The following GRIN2D variants were observed in gnomAD, a reference collection of about 807,000 sequenced individuals.
GRIN2D encodes glutamate ionotropic receptor NMDA type subunit 2D.
GRIN2D carries 37 observed loss-of-function variants against 103.2 expected under a neutral mutation model. The observed-to-expected ratio is 0.36, with a 90% CI of 0.28 to 0.47. The LOEUF (loss-of-function observed/expected upper bound fraction) is 0.47, where lower values mean the gene tolerates loss of function less well. GRIN2D is among the 20% of genes least tolerant of loss of function. GRIN2D has a pLI of 1.00. For synonymous variants in GRIN2D, 845 were observed against 885.6 expected, an observed-to-expected ratio of 0.95 and a Z score of 0.81; for missense variants, 1,557 against 1,910.6, an observed-to-expected ratio of 0.81 and a Z score of 3.45.
Position 48,404,944 on chromosome 19 carries a change from G to T in GRIN2D, c.676G>T (p.Gly226Trp). 1 of 1,612,960 alleles carries T rather than the reference G, an allele frequency of 6.2e-7. No homozygotes were observed. ...CCGCGGAGCGCTGACGCTGGACCCT[G>T]GGGCGGGCGAGGCCGTGCTCAGTGC... ...EHRGALTLDPGAGEAVLSAQL... is the reference protein window; with the variant it reads ...EHRGALTLDPWAGEAVLSAQL... The change falls in exon 4 of 14, where the codon GGG becomes TGG. Residue 226 changes from glycine to tryptophan, a missense_variant. Physicochemically the swap from Gly to Trp is radical, Grantham distance 184. This residue lies in a region of GRIN2D where 490 missense variants were observed against 601.1 expected (regional missense o/e 0.82). Coordinates refer to ENST00000263269, the MANE Select transcript of GRIN2D (RefSeq NM_000836.4).
chr19:48,402,291 A>C (rs1284856195), intron 3 of GRIN2D, among the ~76,000 whole-genome samples: 1 of 152,064 alleles, frequency 6.6e-6, no homozygotes, highest in Non-Finnish European at 1.5e-5. Context: ...TTGAACGTAG[A>C]GCTAAGAAGA....
In GRIN2D at chr19:48,405,060, C is replaced by T. The variant is rs748364628; in HGVS notation, c.792C>T (p.Gly264=). ...EPVFRAAEEA[G]LTGSGYVWFM... Reference sequence around the variant, plus strand: ...TGTTCCGCGCAGCTGAGGAGGCTGGCCTCACTGGATCTGGCTACGTCTGGT... The same window carrying T: ...TGTTCCGCGCAGCTGAGGAGGCTGGTCTCACTGGATCTGGCTACGTCTGGT... Residue 264 remains glycine, a synonymous_variant, in exon 4 of 14, where the codon GGC becomes GGT. Transcript: ENST00000263269. The surrounding 1 kb of genome is among the most constrained non-coding windows in gnomAD (Gnocchi z 5.1). 5.6e-6 allele frequency: 9 copies of T among 1,607,242 alleles called. 1 individual carries two copies. Among genetic ancestry groups the T allele is most frequent in the Middle Eastern group, 1.7e-4 (1 of 6,018 alleles).
At chr19:48,423,847 C>T (rs1971053264) in intron 11 of GRIN2D, among the ~76,000 whole-genome samples, 2 of 152,112 alleles carry the variant, frequency 1.3e-5, no homozygotes, top group African/African-American at 4.8e-5. Flanking sequence ...GACAGGATCT[C>T]ACTCTGTTGC....
In GRIN2D at chr19:48,442,371, G is replaced by A. The variant is rs778400496; in HGVS notation, c.2662G>A (p.Ala888Thr). 3.1e-6 allele frequency: 5 copies of A among 1,610,798 alleles called. No homozygotes were observed. The Admixed American group carries it at 5.0e-5, about 16-fold the overall frequency. The change falls in exon 13 of 14, where the codon GCC (alanine) becomes ACC (threonine). Residue 888 changes from alanine (A) to threonine (T), a missense_variant. Physicochemically the swap from Ala to Thr is moderately conservative, Grantham distance 58 (BLOSUM62 0). Coordinates refer to ENST00000263269, the MANE Select transcript of GRIN2D (RefSeq NM_000836.4). This position sits in a 1 kb window ranked among gnomAD's most constrained non-coding sequence, Gnocchi z 7.2. ...CACCCACCGCATGGACTTCCTGCTG[G>A]CCTTCTCCAGGGTATGGGGCAGAGA... ...GPTHRMDFLL[A>T]FSRGMYSCCS...
chr19:48,419,511 CTTTCT>C (rs1343798947), intron 9 of GRIN2D, 69 bp from the exon 10 acceptor site: 16 of 1,330,200 alleles, frequency 1.2e-5, no homozygotes, highest in South Asian at 7.6e-5. Flanking sequence ...AATTGTAGTT[CTTTCT>C]TTTTTTTTTT....
intron 2 of GRIN2D, among the ~76,000 whole-genome samples, chr19:48,396,351 G>A (rs1403737470): frequency 2.0e-5 from 3 of 152,034 alleles, no homozygotes; most frequent in Non-Finnish European, 2.9e-5. Context: ...TGCAGCCCCC[G>A]TGAGAAGGGT....
chr19:48,426,508 A>G (rs1303263113), intron 11 of GRIN2D, among the ~76,000 whole-genome samples: 1 of 151,434 alleles, frequency 6.6e-6, no homozygotes, highest in Non-Finnish European at 1.5e-5. Flanking sequence ...TTACAGGCAT[A>G]AGCCATCATG....
chr19:48,419,511 C>CT, intron 9 of GRIN2D, 74 bp from the exon 10 acceptor site: 1 of 1,330,198 alleles, frequency 7.5e-7, no homozygotes, highest in South Asian at 1.3e-5. Context: ...AATTGTAGTT[C>CT]TTTCTTTTTT....
At position 48,402,765 on chromosome 19, in the gene GRIN2D, C is replaced by CGAGAGAGAGAGAGAGAGAGA. The variant is rs35263933; in HGVS notation, c.466-1948_466-1929dup. 5.0e-4 allele frequency among the ~76,000 whole-genome samples: 55 copies of CGAGAGAGAGAGAGAGAGAGA among 108,994 alleles called. 1 individual carries two copies. Among genetic ancestry groups the CGAGAGAGAGAGAGAGAGAGA allele is most frequent in the African/African-American group, 2.0e-3 (54 of 27,332 alleles). 71.5% of individuals were successfully genotyped at this position (108,994 alleles called of 152,430 possible). A position where few individuals can be genotyped will look rare whatever the true frequency, so the allele number is the denominator to read the frequency against. ...AAAAAAAAGATTCTTTACTCCTTTA[C>CGAGAGAGAGAGAGAGAGAGA]GAGAGAGAGAGAGAGAGAGAGAGAG... On this transcript the variant is annotated intron_variant, in intron 3 of 13. Transcript: ENST00000263269.
At chr19:48,430,863 AGGCT>A (rs1203646062) in intron 11 of GRIN2D, among the ~76,000 whole-genome samples, 4 of 141,656 alleles carry the variant, frequency 2.8e-5, no homozygotes, top group Admixed American at 2.3e-4. Context: ...TCTGTCACTC[AGGCT>A]GGAGCACAGT....
At chr19:48,395,537 C>G (rs980391809) in intron 2 of GRIN2D, among the ~76,000 whole-genome samples, 2 of 151,798 alleles carry the variant, frequency 1.3e-5, no homozygotes, top group Admixed American at 6.6e-5. Flanking sequence ...AACGGGATGC[C>G]GTCTGCAGCA....
rs1253992476 is a variant in GRIN2D, at chr19:48,394,114, T to C, written c.-306+246T>C. Among the ~76,000 whole-genome samples, 2 of 151,996 alleles carry C rather than the reference T, an allele frequency of 1.3e-5. No individual in the cohort carries two copies. Among genetic ancestry groups the C allele is most frequent in the African/African-American group, 4.8e-5 (2 of 41,390 alleles). The stretch of plus-strand genomic sequence containing the variant: ...GCGTCTGGGCGTCCCCGGCTGCCTG[T>C]GTCCTCCTGTCTGTCCAAACAGCCC... On this transcript the variant is annotated intron_variant, in intron 1 of 13. Transcript: ENST00000263269. The surrounding 1 kb of genome is among the most constrained non-coding windows in gnomAD (Gnocchi z 5.1).
At chr19:48,406,805 T>C (rs549131145) in intron 4 of GRIN2D, among the ~76,000 whole-genome samples, 2 of 151,870 alleles carry the variant, frequency 1.3e-5, no homozygotes, top group African/African-American at 4.8e-5. Context: ...AGCCAGGAGA[T>C]TTTCGGATGC....
At position 48,443,156 on chromosome 19, in the gene GRIN2D, G is replaced by A; in HGVS notation, c.3230G>A (p.Gly1077Asp). ...ESQPLLGPGA[G>D]GAGGTGGAGG... is the part of the protein sequence containing the mutation. The stretch of plus-strand genomic sequence containing the variant: ...CAACCCCTGCTGGGGCCAGGCGCGG[G>A]CGGCGCGGGGGGCACGGGGGGCGCA... Residue 1077 changes from glycine (G) to aspartate (D), a missense_variant, in exon 14 of 14, where the codon GGC (glycine) becomes GAC (aspartate). Physicochemically the swap from Gly to Asp is moderately conservative, Grantham distance 94. Coordinates refer to ENST00000263269, the MANE Select transcript of GRIN2D (RefSeq NM_000836.4). This position sits in a 1 kb window ranked among gnomAD's most constrained non-coding sequence, Gnocchi z 8.9. 1.0e-6 allele frequency: 1 copy of A among 994,356 alleles called. No individual in the cohort carries two copies. The highest frequency in any genetic ancestry group is 4.5e-5 in the South Asian group (1 of 22,126). 61.6% of individuals were successfully genotyped at this position (994,356 alleles called of 1,614,324 possible). A position where few individuals can be genotyped will look rare whatever the true frequency, so the allele number is the denominator to read the frequency against.
chr19:48,428,389 T>A (rs1455977292), intron 11 of GRIN2D, among the ~76,000 whole-genome samples: 1 of 136,906 alleles, frequency 7.3e-6, no homozygotes, highest in Non-Finnish European at 1.6e-5. Flanking sequence ...AGACGGACTT[T>A]CACTCTTGTT....
At chr19:48,423,478 G>A (rs910221316) in intron 11 of GRIN2D, among the ~76,000 whole-genome samples, 2 of 152,106 alleles carry the variant, frequency 1.3e-5, no homozygotes, top group African/African-American at 4.8e-5. Context: ...GCAGGGCTGG[G>A]ATATTTTCAC....
chr19:48,425,175 C>CCAGCCTGCT (rs1971072642), intron 11 of GRIN2D, among the ~76,000 whole-genome samples: 1 of 151,532 alleles, frequency 6.6e-6, no homozygotes, highest in Non-Finnish European at 1.5e-5. Context: ...CCTCACACTG[C>CCAGCCTGCT]CAGCCTGCTC....
chr19:48,404,053 A>ACT (rs1970749750), intron 3 of GRIN2D, among the ~76,000 whole-genome samples: 3 of 152,214 alleles, frequency 2.0e-5, no homozygotes, highest in African/African-American at 7.2e-5. Flanking sequence ...CAGCCTGGCC[A>ACT]ACATGGAGAA....
intron 4 of GRIN2D, among the ~76,000 whole-genome samples, chr19:48,411,296 A>G (rs1470925151): frequency 1.3e-5 from 2 of 150,884 alleles, no homozygotes; most frequent in East Asian, 1.9e-4. Context: ...TTGCACTGCA[A>G]TCTGGGTGAC....
Sources: allele counts gnomAD v4.1 joint callset (sites outside exome capture counted in the v4.1 genomes callset), GRCh38; gene constraint gnomAD v4.1.1; regional missense constraint gnomAD v4.1.1; non-coding constraint Gnocchi (gnomAD v3.1); transcripts MANE v1.5; gene names NCBI Gene and HGNC (gene_info 2026-07-23, HGNC 2026-07-21).